Variants in MUSK observed in about 807,000 individuals in gnomAD.
MUSK encodes the protein muscle, skeletal receptor tyrosine-protein kinase.
MUSK carries 55 observed loss-of-function variants against 88.7 expected under a neutral mutation model. The observed-to-expected ratio is 0.62, with a 90% CI of 0.50 to 0.78. The LOEUF is 0.78. MUSK is among the 30% of genes least tolerant of loss of function. The pLI, the probability that MUSK is intolerant of heterozygous loss-of-function variation, is 0.00. For synonymous variants in MUSK, 387 were observed against 391.9 expected, an observed-to-expected ratio of 0.99 and a Z score of 0.15; for missense variants, 1,015 against 1,074.3, an observed-to-expected ratio of 0.94 and a Z score of 0.77.
At chr9:110,777,113 G>A (rs2077684036) in intron 11 of MUSK, among the ~76,000 whole-genome samples, 2 of 151,968 alleles carry the variant, frequency 1.3e-5, no homozygotes, top group Non-Finnish European at 1.5e-5. Flanking sequence ...CTGATTTCCA[G>A]TATAAAGTTT....
chr9:110,689,267 ATAGT>A (rs1404638511), intron 3 of MUSK, among the ~76,000 whole-genome samples: 56 of 119,150 alleles, frequency 4.7e-4, no homozygotes, highest in Admixed American at 2.1e-3. Context: ...TATATATTGT[ATAGT>A]TATATTTATA....
At position 110,806,494 on chromosome 9, in the gene MUSK, T is replaced by C. The variant is rs558684903; in HGVS notation, c.*5506T>C. Among the ~76,000 whole-genome samples the C allele has an allele frequency of 1.4e-4, 22 of 152,194 alleles. No individual in the cohort carries two copies. Among genetic ancestry groups the C allele is most frequent in the Non-Finnish European group, 2.6e-4 (18 of 68,024 alleles). ...TGGAACAAATTAAGATTTAGGTGCT[T>C]TGACTAGATTGATTCTAAACATCAA... On this transcript the variant is annotated 3_prime_UTR_variant, in exon 15 of 15. Transcript: ENST00000374448.
chr9:110,678,511 A>AC (rs11384721), intron 1 of MUSK, among the ~76,000 whole-genome samples: 105,404 of 151,956 alleles, frequency 0.69, 37,894 homozygotes, highest in African/African-American at 0.86. Context: ...TATCTGAAAA[A>AC]CTTTGGGGCA....
intron 5 of MUSK, among the ~76,000 whole-genome samples, chr9:110,710,786 G>C (rs538706474): frequency 6.6e-6 from 1 of 151,958 alleles, no homozygotes; most frequent in Non-Finnish European, 1.5e-5. Context: ...TGTGTATCCT[G>C]AGCTTATATC....
chr9:110,689,878 A>G (rs1227553689), intron 3 of MUSK, among the ~76,000 whole-genome samples: 1 of 95,596 alleles, frequency 1.0e-5, no homozygotes, highest in Admixed American at 1.6e-4. Flanking sequence ...ATATAAATAT[A>G]TATTTAAATA....
chr9:110,672,403 C>T (rs1421139011), intron 1 of MUSK, among the ~76,000 whole-genome samples: 1 of 152,102 alleles, frequency 6.6e-6, no homozygotes, highest in African/African-American at 2.4e-5. Context: ...TATAGTGCCC[C>T]TGACCTGAAC....
chr9:110,771,497 T>C (rs2077574970), intron 9 of MUSK, among the ~76,000 whole-genome samples: 1 of 152,206 alleles, frequency 6.6e-6, no homozygotes, highest in Non-Finnish European at 1.5e-5. Context: ...CTCATGAAAT[T>C]GTATAATATA....
rs1448439264 is a variant in MUSK at position 110,805,543 on chromosome 9, A to C, written c.*4555A>C. Among the ~76,000 whole-genome samples, 1 of 151,928 alleles carries C rather than the reference A, an allele frequency of 6.6e-6. No homozygotes were observed. The highest frequency in any genetic ancestry group is 2.4e-5 in the African/African-American group (1 of 41,442). The stretch of plus-strand genomic sequence containing the variant: ...TCTTGTTGCTTTGTAAGAGCACTTT[A>C]TATATTAAGGAGTTAAATTTTGTGA... On this transcript the variant is annotated 3_prime_UTR_variant, in exon 15 of 15. Coordinates refer to ENST00000374448, the MANE Select transcript of MUSK (RefSeq NM_005592.4).
chr9:110,762,042 C>A, intron 7 of MUSK, 160 bp from the exon 8 acceptor site: 1 of 778,778 alleles, frequency 1.3e-6, no homozygotes, highest in Non-Finnish European at 1.6e-6. Flanking sequence ...CCCATTAATG[C>A]AGCATCTGGC....
At chr9:110,686,988 G>T in intron 2 of MUSK, 129 bp from the exon 3 acceptor site, 1 of 775,282 alleles carries the variant, frequency 1.3e-6, no homozygotes. Context: ...CTATTATTCA[G>T]AAGTCACTCA....
chr9:110,775,779 C>T lies in MUSK; in HGVS notation c.1185-9C>T, dbSNP rs761930158. The T allele has an allele frequency of 4.3e-6, 7 of 1,613,268 alleles. No individual in the cohort carries two copies. Among genetic ancestry groups the T allele is most frequent in the African/African-American group, 1.3e-5 (1 of 74,998 alleles). On this transcript the variant is annotated splice_polypyrimidine_tract_variant and intron_variant, in intron 9 of 14. Coordinates refer to ENST00000374448, the MANE Select transcript of MUSK (RefSeq NM_005592.4). Reference sequence around the variant, plus strand: ...TTCATCAAGTTTTGTTCTCCATATACTATTTTAGAGAGTACTGCTTGGCAG... The same window carrying T: ...TTCATCAAGTTTTGTTCTCCATATATTATTTTAGAGAGTACTGCTTGGCAG...
rs1048669190 is a variant in MUSK at position 110,805,346 on chromosome 9, G to C, written c.*4358G>C. On this transcript the variant is annotated 3_prime_UTR_variant, in exon 15 of 15. Transcript: ENST00000374448. ...CATTTATTTCAGTCTCACCAATACT[G>C]AGTATAGCATTTTAATCATTGCCAA... Among the ~76,000 whole-genome samples the C allele has an allele frequency of 6.6e-6, 1 of 151,842 alleles. No individual in the cohort carries two copies. Among genetic ancestry groups the C allele is most frequent in the African/African-American group, 2.4e-5 (1 of 41,404 alleles).
intron 7 of MUSK, among the ~76,000 whole-genome samples, chr9:110,755,479 A>G (rs963862948): frequency 3.9e-5 from 6 of 152,128 alleles, no homozygotes; most frequent in East Asian, 1.9e-4. Flanking sequence ...TCTCCAACCA[A>G]TGGGGACTGA....
chr9:110,744,474 G>A (rs2131867603), intron 6 of MUSK, among the ~76,000 whole-genome samples: 1 of 152,238 alleles, frequency 6.6e-6, no homozygotes, highest in East Asian at 1.9e-4. Flanking sequence ...TACTCCACAG[G>A]TCTATAACTG....
intron 1 of MUSK, among the ~76,000 whole-genome samples, chr9:110,670,425 A>G (rs1335469043): frequency 6.6e-6 from 1 of 152,204 alleles, no homozygotes; most frequent in Non-Finnish European, 1.5e-5. Context: ...ACTAAAATAC[A>G]GTCTTATAAA....
At chr9:110,719,687 A>T (rs745345389) in intron 5 of MUSK, among the ~76,000 whole-genome samples, 2 of 152,110 alleles carry the variant, frequency 1.3e-5, no homozygotes, top group African/African-American at 4.8e-5. Flanking sequence ...GATCATCAGG[A>T]CAGAAAGTCA....
At chr9:110,738,885 T>C (rs2077060269) in intron 6 of MUSK, among the ~76,000 whole-genome samples, 1 of 152,198 alleles carries the variant, frequency 6.6e-6, no homozygotes, top group Non-Finnish European at 1.5e-5. Context: ...GCTATCCATC[T>C]TTGGCCACAT....
rs537119884 is a variant in MUSK at position 110,744,613 on chromosome 9, C to T, written c.754-3028C>T. Among the ~76,000 whole-genome samples the T allele has an allele frequency of 7.9e-5, 12 of 152,212 alleles. No individual in the cohort carries two copies. In the East Asian group the frequency reaches 2.3e-3, roughly 29 times the overall value. On this transcript the variant is annotated intron_variant, in intron 6 of 14. Coordinates refer to ENST00000374448, the MANE Select transcript of MUSK (RefSeq NM_005592.4). ...GTTTTATTGTGATCTTTATTGTATA[C>T]ATTTAAGGTACAAAACATGATGTTT... is the stretch of plus-strand genomic sequence containing the variant.
At chr9:110,712,021 GCT>G (rs746517041) in intron 5 of MUSK, among the ~76,000 whole-genome samples, 1 of 152,084 alleles carries the variant, frequency 6.6e-6, no homozygotes, top group Non-Finnish European at 1.5e-5. Flanking sequence ...ACCCAATCTG[GCT>G]CTGTTTGCAC....
Sources: allele counts gnomAD v4.1 joint callset (sites outside exome capture counted in the v4.1 genomes callset), GRCh38; gene constraint gnomAD v4.1.1; transcripts MANE v1.5; gene names NCBI Gene and HGNC (gene_info 2026-07-23, HGNC 2026-07-21).